The following PXDNL variants were observed in gnomAD, a reference collection of about 807,000 sequenced individuals.
PXDNL encodes the protein peroxidasin like, also known as probable oxidoreductase PXDNL.
A neutral mutation model predicts 150.8 loss-of-function variants in PXDNL; 145 were observed. The ratio of observed to expected loss-of-function variants is 0.96; its 90% CI spans 0.84 to 1.10. PXDNL has a LOEUF of 1.10. Among genes scored for constraint, PXDNL ranks in the 50% least tolerant of loss-of-function variants. The pLI, the probability that PXDNL is intolerant of heterozygous loss-of-function variation, is 0.00. For synonymous variants in PXDNL, 757 were observed against 725.7 expected (o/e 1.04, Z -0.69); for missense variants, 2,087 against 1,873.9 (o/e 1.11, Z -2.10).
At chr8:51,341,086 G>C (rs1805972526) in intron 20 of PXDNL, among the ~76,000 whole-genome samples, 1 of 152,218 alleles carries the variant, frequency 6.6e-6, no homozygotes, top group African/African-American at 2.4e-5. Context: ...GTGGGTATGG[G>C]CCATGCATCA....
At chr8:51,517,639 C>G (rs1215276249) in intron 4 of PXDNL, among the ~76,000 whole-genome samples, 5 of 152,198 alleles carry the variant, frequency 3.3e-5, no homozygotes, top group Non-Finnish European at 5.9e-5. Flanking sequence ...AGTGATAACA[C>G]TATTATATGT....
chr8:51,626,189 A>G (rs944609344), intron 2 of PXDNL, among the ~76,000 whole-genome samples: 3 of 152,190 alleles, frequency 2.0e-5, no homozygotes, highest in Non-Finnish European at 2.9e-5. Context: ...AATACTTGCT[A>G]TGCACCTGCC....
At chr8:51,675,605 C>G (rs1408224480) in intron 1 of PXDNL, among the ~76,000 whole-genome samples, 1 of 151,846 alleles carries the variant, frequency 6.6e-6, no homozygotes, top group Non-Finnish European at 1.5e-5. Flanking sequence ...CCAGCCTGAC[C>G]AATATGGTGA....
At chr8:51,636,292 C>A (rs571086785) in intron 2 of PXDNL, among the ~76,000 whole-genome samples, 5 of 152,188 alleles carry the variant, frequency 3.3e-5, no homozygotes, top group African/African-American at 9.6e-5. Flanking sequence ...AAGAACATGA[C>A]AAAGATGCCT....
rs563183917 is a variant in PXDNL, at chr8:51,338,876, A to C, written c.4146+748T>G. On this transcript the variant is annotated intron_variant, in intron 21 of 22. Transcript: ENST00000356297. ...AACTTTGTCAGAAAAAGAAAGCCAG[A>C]GAAAACAGTACTTCCTAAGAAGCTT... 2.5e-4 allele frequency among the ~76,000 whole-genome samples: 38 copies of C among 152,364 alleles called. 1 individual carries two copies. The South Asian group carries it at 6.0e-3, about 24-fold the overall frequency.
chr8:51,771,552 G>A (rs1280108621), intron 1 of PXDNL, among the ~76,000 whole-genome samples: 1 of 152,156 alleles, frequency 6.6e-6, no homozygotes, highest in Non-Finnish European at 1.5e-5. Flanking sequence ...TATCCTTGGG[G>A]GCAAGTAAGG....
chr8:51,324,148 C>T (rs1283958071), intron 21 of PXDNL, among the ~76,000 whole-genome samples: 2 of 152,088 alleles, frequency 1.3e-5, no homozygotes, highest in African/African-American at 4.8e-5. Flanking sequence ...TATCCTGTAA[C>T]CTTGCTCAAC....
intron 2 of PXDNL, among the ~76,000 whole-genome samples, chr8:51,600,674 TA>T (rs1813694747): frequency 7.2e-6 from 1 of 138,536 alleles, no homozygotes; most frequent in African/African-American, 2.6e-5. Flanking sequence ...ATAAATTATA[TA>T]ATTTATATGA....
intron 1 of PXDNL, among the ~76,000 whole-genome samples, chr8:51,709,260 T>A (rs115953915): frequency 0.024 from 3,659 of 152,154 alleles, 150 homozygotes; most frequent in African/African-American, 0.083. Context: ...ATCCCTTTTT[T>A]TTTTTTCTTT....
At chr8:51,432,978 C>A (rs904360081) in intron 12 of PXDNL, among the ~76,000 whole-genome samples, 13 of 152,000 alleles carry the variant, frequency 8.6e-5, no homozygotes, top group African/African-American at 3.1e-4. Flanking sequence ...GAGGCCAAGG[C>A]GGGTGGGGAA....
intron 1 of PXDNL, among the ~76,000 whole-genome samples, chr8:51,668,095 A>T (rs1325125970): frequency 6.7e-6 from 1 of 150,042 alleles, no homozygotes; most frequent in Non-Finnish European, 1.5e-5. Context: ...AGAAGAGCCG[A>T]CCAGCTGGGT....
chr8:51,391,798 C>T (rs1807919347), intron 17 of PXDNL, among the ~76,000 whole-genome samples: 1 of 152,130 alleles, frequency 6.6e-6, no homozygotes, highest in African/African-American at 2.4e-5. Context: ...GTGTTTTAGA[C>T]ATGAAGTCCT....
intron 5 of PXDNL, among the ~76,000 whole-genome samples, chr8:51,485,799 A>G (rs917218632): frequency 1.1e-4 from 16 of 152,200 alleles, no homozygotes; most frequent in East Asian, 1.9e-4. Flanking sequence ...CTTTCTTGCC[A>G]TGCTTTAACA....
intron 12 of PXDNL, among the ~76,000 whole-genome samples, chr8:51,429,555 G>C (rs1809199943): frequency 6.6e-6 from 1 of 152,122 alleles, no homozygotes; most frequent in South Asian, 2.1e-4. Flanking sequence ...GGGCGACAGA[G>C]TGAGACTCCA....
chr8:51,510,332 T>C (rs1811385848), intron 4 of PXDNL, among the ~76,000 whole-genome samples: 1 of 152,190 alleles, frequency 6.6e-6, no homozygotes, highest in African/African-American at 2.4e-5. Context: ...ACGCTAAGAC[T>C]TCCTCTTACC....
At chr8:51,667,264 C>A (rs1279769780) in intron 1 of PXDNL, among the ~76,000 whole-genome samples, 3 of 152,148 alleles carry the variant, frequency 2.0e-5, no homozygotes, top group African/African-American at 7.2e-5. Flanking sequence ...AGCTTCTGTG[C>A]CGCACAGAGC....
chr8:51,354,027 A>C (rs1235549112), intron 19 of PXDNL, among the ~76,000 whole-genome samples: 1 of 152,048 alleles, frequency 6.6e-6, no homozygotes, highest in Non-Finnish European at 1.5e-5. Flanking sequence ...ATGCACTGAA[A>C]CTTCAGGCAC....
At chr8:51,758,837 T>C (rs941378021) in intron 1 of PXDNL, among the ~76,000 whole-genome samples, 1 of 152,168 alleles carries the variant, frequency 6.6e-6, no homozygotes, top group African/African-American at 2.4e-5. Context: ...AATGGACTCA[T>C]ACAGCCAGTT....
chr8:51,425,171 G>GCAAT (rs1444748360), intron 13 of PXDNL, among the ~76,000 whole-genome samples: 1 of 152,204 alleles, frequency 6.6e-6, no homozygotes. Flanking sequence ...TGGAGTCTCA[G>GCAAT]CAATCAGATG....
Sources: gnomAD v4.1 joint callset for allele counts (sites outside exome capture counted in the v4.1 genomes callset) on GRCh38, gnomAD v4.1.1 for gene constraint, MANE v1.5 for transcripts, NCBI Gene and HGNC (gene_info 2026-07-23, HGNC 2026-07-21) for gene names.